MRPS30: variants seen among roughly 807,000 people sequenced by gnomAD.
The protein encoded by MRPS30 is mitochondrial ribosomal protein S30.
Under a neutral mutation model 43.8 loss-of-function variants are expected in MRPS30, and 42 were observed. The ratio of observed to expected loss-of-function variants is 0.96; its 90% CI spans 0.75 to 1.24. MRPS30 has a LOEUF of 1.24. Ranked by LOEUF, MRPS30 falls within the 50% of genes most tolerant of loss-of-function variation. The pLI is 0.00. For synonymous variants in MRPS30, 273 were observed against 228.2 expected (o/e 1.20, Z -1.77); for missense variants, 638 against 570.0 (o/e 1.12, Z -1.22).
chr5:44,809,650 C>T (rs1488112131), intron 1 of MRPS30, 87 bp downstream of exon 1: 5 of 1,353,070 alleles, frequency 3.7e-6, no homozygotes, highest in Admixed American at 4.6e-5. Context: ...CTCGTCATTT[C>T]TTTCTCTCTG....
Position 44,809,580 on chromosome 5 carries a change from GCC to G in MRPS30, c.601+20_601+21del. 1 of 1,567,304 alleles carries G rather than the reference GCC, an allele frequency of 6.4e-7. No homozygotes were observed. Among genetic ancestry groups the G allele is most frequent in the South Asian group, 1.2e-5 (1 of 83,180 alleles). On this transcript the variant is annotated intron_variant, in intron 1 of 4. Coordinates refer to ENST00000507110, the MANE Select transcript of MRPS30 (RefSeq NM_016640.4). The stretch of plus-strand genomic sequence containing the variant: ...CCGCCCTCGGTGAGCCTTGGATTCC[GCC>G]CCAGGGCGGAAGGGAGAGATGGGGA...
intron 4 of MRPS30, among the ~76,000 whole-genome samples, chr5:44,814,550 C>T (rs898632796): frequency 1.9e-4 from 29 of 152,086 alleles, no homozygotes; most frequent in African/African-American, 5.3e-4. Context: ...ACATAAAATA[C>T]GTGTGGAGAA....
intron 1 of MRPS30, 86 bp from the exon 2 acceptor site, chr5:44,810,923 C>T (rs1249206396): frequency 3.4e-6 from 4 of 1,171,052 alleles, no homozygotes; most frequent in African/African-American, 3.1e-5. Context: ...TTATCATTTG[C>T]TAAGTTAGTA....
intron 1 of MRPS30, 37 bp from the exon 2 acceptor site, chr5:44,810,972 G>C: frequency 6.3e-7 from 1 of 1,582,580 alleles, no homozygotes; most frequent in Non-Finnish European, 8.6e-7. Context: ...TTATTTAGAT[G>C]ATCAGATGAA....
Position 44,811,050 on chromosome 5 carries a change from G to C in MRPS30, c.643G>C (p.Glu215Gln). 1 of 1,614,046 alleles carries C rather than the reference G, an allele frequency of 6.2e-7. No individual in the cohort carries two copies. The highest frequency in any genetic ancestry group is 8.5e-7 in the Non-Finnish European group (1 of 1,179,948). ...TCATTTTTACTGGGTGCGTGGTGAA[G>C]AAATTATTCCTCGTGGTCATCGAAG... is the stretch of plus-strand genomic sequence containing the variant. The part of the protein sequence containing the change: ...PVHFYWVRGE[E>Q]IIPRGHRRGR... The change falls in exon 2 of 5, where the codon GAA becomes CAA. Residue 215 changes from glutamate to glutamine, a missense_variant. Glu to Gln is a conservative substitution (Grantham distance 29). Coordinates refer to ENST00000507110, the MANE Select transcript of MRPS30 (RefSeq NM_016640.4).
intron 3 of MRPS30, 62 bp from the exon 4 acceptor site, chr5:44,813,044 A>C: frequency 6.5e-7 from 1 of 1,531,540 alleles, no homozygotes; most frequent in Non-Finnish European, 8.9e-7. Context: ...AAATACTAAA[A>C]CATGTGCTCC....
chr5:44,811,006 T>TA lies in MRPS30; in HGVS notation c.602-2dup, dbSNP rs1742830916. The stretch of plus-strand genomic sequence containing the variant: ...AAAAAAATTTTGAATATCTTTTTGA[T>TA]AGATTATAGATGCCCAGTTCATTTT... On this transcript the variant is annotated splice_region_variant and splice_polypyrimidine_tract_variant and intron_variant, in intron 1 of 4. Coordinates refer to ENST00000507110, the MANE Select transcript of MRPS30 (RefSeq NM_016640.4). The TA allele has an allele frequency of 5.0e-6, 8 of 1,612,244 alleles. No homozygotes were observed. The highest frequency in any genetic ancestry group is 6.8e-6 in the Non-Finnish European group (8 of 1,179,252).
chr5:44,815,293 C>A lies in MRPS30; in HGVS notation c.*91C>A. 1 of 1,176,812 alleles carries A rather than the reference C, an allele frequency of 8.5e-7. No homozygotes were observed. The highest frequency in any genetic ancestry group is 1.2e-6 in the Non-Finnish European group (1 of 857,758). The allele number at this position is 1,176,812 out of a possible 1,614,324, so 72.9% of individuals were successfully genotyped here. ...ATTTGTAACTGTCAACTATTAAATA[C>A]ATTGATTTTTGAGACAAATATTTCT... On this transcript the variant is annotated 3_prime_UTR_variant, in exon 5 of 5. Transcript: ENST00000507110.
rs769000170 is a variant in MRPS30, at chr5:44,813,106, G to T, written c.854G>T (p.Gly285Val). The T allele has an allele frequency of 1.9e-6, 3 of 1,609,684 alleles. No homozygotes were observed. Among genetic ancestry groups the T allele is most frequent in the Non-Finnish European group, 2.5e-6 (3 of 1,178,626 alleles). The change falls in exon 4 of 5, where the codon GGC becomes GTC. Residue 285 changes from glycine to valine, a missense_variant and splice_region_variant. By Grantham distance (109) the Gly-to-Val change is moderately radical. Transcript: ENST00000507110. ...KRQYENHIFV[G>V]SKTADPCCYG... ...GAAATGTTTTTATTTTGCTCTTCAG[G>T]CTCAAAAACTGCAGATCCTTGCTGT...
chr5:44,809,758 C>T (rs1223526963), intron 1 of MRPS30, 195 bp downstream of exon 1: 6 of 605,810 alleles, frequency 9.9e-6, no homozygotes, highest in South Asian at 2.2e-5. Context: ...GTGTGTGTGG[C>T]TGCGCTAACA....
At position 44,809,261 on chromosome 5, in the gene MRPS30, T is replaced by C. The variant is rs774794875; in HGVS notation, c.299T>C (p.Leu100Pro). The C allele has an allele frequency of 6.2e-7, 1 of 1,613,554 alleles. No homozygotes were observed. Among genetic ancestry groups the C allele is most frequent in the Non-Finnish European group, 8.5e-7 (1 of 1,179,886 alleles). The stretch of plus-strand genomic sequence containing the variant: ...ATGGTTTACCCGCAGACCTTCGCGC[T>C]GAATGCCGACCGCTGGTACCAGTAC... The part of the protein sequence containing the change: ...KYMVYPQTFA[L>P]NADRWYQYFT... Residue 100 changes from leucine (L) to proline (P), a missense_variant, in exon 1 of 5, where the codon CTG becomes CCG. Coordinates refer to ENST00000507110, the MANE Select transcript of MRPS30 (RefSeq NM_016640.4).
At chr5:44,811,862 A>AAATACATACT (rs1182379995) in intron 2 of MRPS30, 53 bp from the exon 3 acceptor site, 1 of 1,114,240 alleles carries the variant, frequency 9.0e-7, no homozygotes, top group Non-Finnish European at 1.3e-6. Flanking sequence ...AGTGTGAGTA[A>AAATACATACT]AATACATACT....
chr5:44,813,020 G>GA (rs982447556), intron 3 of MRPS30, 86 bp from the exon 4 acceptor site: 103 of 1,323,244 alleles, frequency 7.8e-5, no homozygotes, highest in Non-Finnish European at 9.6e-5. Context: ...TATAAAGAAG[G>GA]AAAAAAAAGG....
chr5:44,814,084 T>G (rs541002437), intron 4 of MRPS30, among the ~76,000 whole-genome samples: 1 of 152,178 alleles, frequency 6.6e-6, no homozygotes, highest in Admixed American at 6.5e-5. Flanking sequence ...GCCTGAAATA[T>G]TTAGGAACAA....
Position 44,814,928 on chromosome 5 carries a change from C to G in MRPS30, c.1046C>G (p.Ala349Gly). ...QAMYQGFWSE[A>G]DVTRPFVSQA... Reference sequence around the variant, plus strand: ...TCTTCTACAGGATTCTGGAGTGAAGCAGATGTTACTCGACCTTTTGTCTCC... The same window carrying G: ...TCTTCTACAGGATTCTGGAGTGAAGGAGATGTTACTCGACCTTTTGTCTCC... Residue 349 changes from alanine (A) to glycine (G), a missense_variant, in exon 5 of 5, where the codon GCA becomes GGA. Physicochemically the swap from Ala to Gly is moderately conservative, Grantham distance 60. Coordinates refer to ENST00000507110, the MANE Select transcript of MRPS30 (RefSeq NM_016640.4). The G allele has an allele frequency of 6.2e-7, 1 of 1,608,994 alleles. No individual in the cohort carries two copies. The highest frequency in any genetic ancestry group is 2.2e-5 in the East Asian group (1 of 44,822).
chr5:44,815,162 A>T lies in MRPS30; in HGVS notation c.1280A>T (p.Asn427Ile), dbSNP rs141351340. 1.4e-5 allele frequency: 22 copies of T among 1,605,700 alleles called. No homozygotes were observed. In the East Asian group the frequency reaches 4.5e-4, roughly 33 times the overall value. Residue 427 changes from asparagine to isoleucine, a missense_variant, in exon 5 of 5, where the codon AAT becomes ATT. Coordinates refer to ENST00000507110, the MANE Select transcript of MRPS30 (RefSeq NM_016640.4). ...CTTCAGATAGTTCACTTTCTACTGAATAGACCAAAAGAAGAAAAATCACAG... is the reference window on the plus strand; with the variant it reads ...CTTCAGATAGTTCACTTTCTACTGATTAGACCAAAAGAAGAAAAATCACAG... ...VLLQIVHFLL[N>I]RPKEEKSQLL...
chr5:44,815,260 A>G lies in MRPS30; in HGVS notation c.*58A>G. ...TTTAAATTTTACTGAAGGAACAATA[A>G]TGATGAGATTTGTAACTGTCAACTA... On this transcript the variant is annotated 3_prime_UTR_variant, in exon 5 of 5. Coordinates refer to ENST00000507110, the MANE Select transcript of MRPS30 (RefSeq NM_016640.4). 1 of 1,413,910 alleles carries G rather than the reference A, an allele frequency of 7.1e-7. No individual in the cohort carries two copies. The highest frequency in any genetic ancestry group is 9.5e-7 in the Non-Finnish European group (1 of 1,055,438). The allele number at this position is 1,413,910 out of a possible 1,614,324, so 87.6% of individuals were successfully genotyped here.
At position 44,813,091 on chromosome 5, in the gene MRPS30, T is replaced by C. The variant is rs1012145512; in HGVS notation, c.854-15T>C. 2 of 1,607,510 alleles carry C rather than the reference T, an allele frequency of 1.2e-6. No homozygotes were observed. Among genetic ancestry groups the C allele is most frequent in the Admixed American group, 1.7e-5 (1 of 58,150 alleles). ...ATGTTTGTTTCATCTGAAATGTTTT[T>C]ATTTTGCTCTTCAGGCTCAAAAACT... On this transcript the variant is annotated splice_polypyrimidine_tract_variant and intron_variant, in intron 3 of 4. Transcript: ENST00000507110.
At position 44,815,352 on chromosome 5, in the gene MRPS30, T is replaced by A. The variant is rs1031479962; in HGVS notation, c.*150T>A. ...CCTGTTATTAGATCTCTTACTCTGC[T>A]CAAATTCATCACTGAAAGATTTAAT... On this transcript the variant is annotated 3_prime_UTR_variant, in exon 5 of 5. Transcript: ENST00000507110. 8 of 637,938 alleles carry A rather than the reference T, an allele frequency of 1.3e-5. No homozygotes were observed. The highest frequency in any genetic ancestry group is 2.0e-5 in the Non-Finnish European group (8 of 407,324). The allele number at this position is 637,938 out of a possible 1,614,324, so 39.5% of individuals were successfully genotyped here. A position where few individuals can be genotyped will look rare whatever the true frequency, so the allele number is the denominator to read the frequency against.
Sources: gnomAD v4.1 joint callset for allele counts (sites outside exome capture counted in the v4.1 genomes callset) on GRCh38, gnomAD v4.1.1 for gene constraint, MANE v1.5 for transcripts, NCBI Gene and HGNC (gene_info 2026-07-23, HGNC 2026-07-21) for gene names.